NYX: variants seen among roughly 807,000 people sequenced by gnomAD.
NYX encodes leucine-rich repeat protein.
For missense variants in NYX, 481 were observed against 485.4 expected (o/e 0.99, Z 0.09); for synonymous variants, 258 against 245.7 (o/e 1.05, Z -0.47).
chrX:41,471,833 A>AT lies in NYX; in HGVS notation c.23-1643dup, dbSNP rs61276668. On this transcript the variant is annotated intron_variant, in intron 2 of 2. Coordinates refer to ENST00000378220, the MANE Select transcript of NYX (RefSeq NM_001378477.3). ...GGCACTGGTGTATATATATATATGT[A>AT]TTTTTTTTTTTTTTTCCCCTGGGGT... is the stretch of plus-strand genomic sequence containing the variant. Among the ~76,000 whole-genome samples the AT allele has an allele frequency of 4.1e-3, 417 of 101,690 alleles. 3 individuals carry two copies. Among genetic ancestry groups the AT allele is most frequent in the African/African-American group, 0.012 (331 of 27,772 alleles). 88.3% of individuals were successfully genotyped at this position (101,690 alleles called of 115,157 possible). A position where few individuals can be genotyped will look rare whatever the true frequency, so the allele number is the denominator to read the frequency against.
chrX:41,450,828 A>ATATATATATATTTTTTTTT (rs2064276736), intron 2 of NYX, among the ~76,000 whole-genome samples: 1 of 68,216 alleles, frequency 1.5e-5, no homozygotes, highest in African/African-American at 6.0e-5. Context: ...ATATATATAT[A>ATATATATATATTTTTTTTT]TTTTTTTTTT....
chrX:41,467,242 T>G (rs958144410), intron 2 of NYX, among the ~76,000 whole-genome samples: 2 of 111,474 alleles, frequency 1.8e-5, no homozygotes, highest in Non-Finnish European at 3.8e-5. Flanking sequence ...TTTTTTTTGG[T>G]GCCTTGCTTT....
chrX:41,475,184 A>AT lies in NYX; in HGVS notation c.*286dup. 5.2e-6 allele frequency: 2 copies of AT among 383,526 alleles called. No homozygotes were observed. Among genetic ancestry groups the AT allele is most frequent in the Non-Finnish European group, 9.2e-6 (2 of 218,316 alleles). The allele number at this position is 383,526 out of a possible 1,213,427, so 31.6% of individuals were successfully genotyped here. On this transcript the variant is annotated 3_prime_UTR_variant, in exon 3 of 3. Coordinates refer to ENST00000378220, the MANE Select transcript of NYX (RefSeq NM_001378477.3). ...GAATCGGAAGCTTCTAGGGCTTCAC[A>AT]TCCCTTCCCCTCCCCTCCCCTTCCC...
chrX:41,454,215 T>C (rs945370273), intron 2 of NYX, among the ~76,000 whole-genome samples: 1 of 111,769 alleles, frequency 8.9e-6, no homozygotes, highest in Non-Finnish European at 1.9e-5. Flanking sequence ...AAATGAACCA[T>C]CCTAGACTCC....
At chrX:41,457,927 G>C (rs1176068296) in intron 2 of NYX, among the ~76,000 whole-genome samples, 3 of 111,055 alleles carry the variant, frequency 2.7e-5, no homozygotes, top group Non-Finnish European at 3.8e-5. Context: ...AACAATACTA[G>C]AGACTGGGCA....
At chrX:41,459,367 C>T (rs771546299) in intron 2 of NYX, among the ~76,000 whole-genome samples, 90 of 110,694 alleles carry the variant, frequency 8.1e-4, no homozygotes, top group African/African-American at 2.7e-3. Context: ...GCCTGTAATC[C>T]CAGCACTTTG....
chrX:41,450,435 T>C (rs1169591962), intron 2 of NYX, among the ~76,000 whole-genome samples: 2 of 108,637 alleles, frequency 1.8e-5, no homozygotes, highest in African/African-American at 3.4e-5. Flanking sequence ...CACACCTGGT[T>C]AATTTTTGTA....
chrX:41,468,539 C>G (rs993482071), intron 2 of NYX, among the ~76,000 whole-genome samples: 1 of 111,946 alleles, frequency 8.9e-6, no homozygotes, highest in Non-Finnish European at 1.9e-5. Flanking sequence ...GATCTGCACG[C>G]CTTGGCCTCC....
Position 41,474,167 on chromosome X carries a change from C to G in NYX, c.699C>G (p.Asn233Lys), listed in dbSNP as rs1439533023. 8.7e-7 allele frequency: 1 copy of G among 1,151,751 alleles called. No homozygotes were observed. Among genetic ancestry groups the G allele is most frequent in the Non-Finnish European group, 1.1e-6 (1 of 870,581 alleles). The allele number at this position is 1,151,751 out of a possible 1,213,427, so 94.9% of individuals were successfully genotyped here. A position where few individuals can be genotyped will look rare whatever the true frequency, so the allele number is the denominator to read the frequency against. Reference protein sequence around the residue: ...DCGVLEHLLLNDNLLAELPAD... With the variant: ...DCGVLEHLLLKDNLLAELPAD... Reference sequence around the variant, plus strand: ...GCGTCCTGGAGCATCTGCTGCTCAACGACAACCTGCTGGCCGAGCTCCCGG... The same window carrying G: ...GCGTCCTGGAGCATCTGCTGCTCAAGGACAACCTGCTGGCCGAGCTCCCGG... The change falls in exon 3 of 3, where the codon AAC becomes AAG. Residue 233 changes from asparagine to lysine, a missense_variant. Coordinates refer to ENST00000378220, the MANE Select transcript of NYX (RefSeq NM_001378477.3).
chrX:41,456,893 C>T (rs973174463), intron 2 of NYX, among the ~76,000 whole-genome samples: 2 of 111,550 alleles, frequency 1.8e-5, no homozygotes, highest in Non-Finnish European at 3.8e-5. Context: ...CCCCCATTCC[C>T]CACCCAATTC....
rs939595513 is a variant in NYX, at chrX:41,469,305, G to A, written c.23-4186G>A. Among the ~76,000 whole-genome samples the A allele has an allele frequency of 1.2e-4, 13 of 111,445 alleles. No homozygotes were observed. In the East Asian group the frequency reaches 3.4e-3, roughly 29 times the overall value. ...ATGTGTACAGAATGGGAGGATGTGA[G>A]TGGCAGGCCAGGGGTATTTGCTAGG... On this transcript the variant is annotated intron_variant, in intron 2 of 2. Coordinates refer to ENST00000378220, the MANE Select transcript of NYX (RefSeq NM_001378477.3).
chrX:41,461,182 C>T (rs2064318106), intron 2 of NYX, among the ~76,000 whole-genome samples: 1 of 107,003 alleles, frequency 9.3e-6, no homozygotes, highest in Non-Finnish European at 1.9e-5. Context: ...CCCACCCTTT[C>T]CCTCTGAGTC....
intron 2 of NYX, among the ~76,000 whole-genome samples, chrX:41,465,694 T>G (rs377394712): frequency 0.043 from 4,423 of 103,172 alleles, 112 homozygotes; most frequent in Non-Finnish European, 0.065. Flanking sequence ...TTTTTTTTTT[T>G]TTTTTGTATT....
intron 2 of NYX, chrX:41,472,575 G>T (rs921202016): frequency 5.8e-6 from 3 of 521,561 alleles, no homozygotes; most frequent in South Asian, 2.9e-5. Context: ...CGTCCATCAG[G>T]GGCAAAGCCA....
At chrX:41,452,046 T>A (rs1266469875) in intron 2 of NYX, among the ~76,000 whole-genome samples, 3 of 111,194 alleles carry the variant, frequency 2.7e-5, no homozygotes, top group African/African-American at 9.8e-5. Context: ...CGATTATGGC[T>A]CACTGCAGCC....
In NYX at chrX:41,460,605, G is replaced by T. The variant is rs182174588; in HGVS notation, c.22+12679G>T. Among the ~76,000 whole-genome samples the T allele has an allele frequency of 2.9e-3, 318 of 111,506 alleles. 2 individuals are homozygous for T. Among genetic ancestry groups the T allele is most frequent in the Middle Eastern group, 0.018 (4 of 217 alleles). On this transcript the variant is annotated intron_variant, in intron 2 of 2. Coordinates refer to ENST00000378220, the MANE Select transcript of NYX (RefSeq NM_001378477.3). ...TTAGTTGTCTTTTCATTATTCATTT[G>T]TAGGAGTTATTTTTACATTCTGTAT...
intron 2 of NYX, among the ~76,000 whole-genome samples, chrX:41,461,357 T>G (rs1285784189): frequency 1.0e-5 from 1 of 98,872 alleles, no homozygotes; most frequent in Non-Finnish European, 2.0e-5. Context: ...AATTTATTCC[T>G]TTTTATGGCT....
chrX:41,447,651 G>C (rs1257340799), intron 1 of NYX, 135 bp downstream of exon 1: 1 of 435,007 alleles, frequency 2.3e-6, no homozygotes, highest in Non-Finnish European at 4.0e-6. Context: ...TTTCCTAATA[G>C]ATCCAAACTG....
chrX:41,462,934 GAGA>G (rs990102734), intron 2 of NYX, among the ~76,000 whole-genome samples: 2 of 111,474 alleles, frequency 1.8e-5, no homozygotes, highest in East Asian at 2.8e-4. Context: ...GTCTTTGAAA[GAGA>G]AGAAGTTTTA....
Sources: gnomAD v4.1 joint callset for allele counts (sites outside exome capture counted in the v4.1 genomes callset) on GRCh38, gnomAD v4.1.1 for gene constraint, MANE v1.5 for transcripts, NCBI Gene and HGNC (gene_info 2026-07-23, HGNC 2026-07-21) for gene names.